DRC2: variants seen among roughly 807,000 people sequenced by gnomAD.
DRC2 encodes coiled-coil domain containing 65.
chr12:48,916,179 C>T, the DRC2 span, among the ~76,000 whole-genome samples: 2 of 151,800 alleles, frequency 1.3e-5, no homozygotes, highest in Admixed American at 1.3e-4. Context: ...AGAGACGCTC[C>T]TCACTTCCCA....
chr12:48,918,804 C>T, the DRC2 span: 7 of 1,614,044 alleles, frequency 4.3e-6, no homozygotes, highest in Non-Finnish European at 5.9e-6. Flanking sequence ...AACTTAAGGC[C>T]CAAAGAACTC....
the DRC2 span, among the ~76,000 whole-genome samples, chr12:48,906,147 C>T: frequency 6.6e-6 from 1 of 152,316 alleles, no homozygotes; most frequent in African/African-American, 2.4e-5. Flanking sequence ...TATTCCCCCT[C>T]TAGAAAACAC....
At chr12:48,921,429 C>T in the DRC2 span, 1 of 1,606,558 alleles carries the variant, frequency 6.2e-7, no homozygotes, top group South Asian at 1.1e-5. Context: ...TGATAAACAA[C>T]ATCCAACCAC....
At chr12:48,919,899 T>A in the DRC2 span, among the ~76,000 whole-genome samples, 2 of 151,050 alleles carry the variant, frequency 1.3e-5, no homozygotes, top group Non-Finnish European at 3.0e-5. Context: ...GGTGGGAGGA[T>A]TGCTTGAGCC....
At chr12:48,915,911 C>T in the DRC2 span, among the ~76,000 whole-genome samples, 1 of 151,380 alleles carries the variant, frequency 6.6e-6, no homozygotes, top group Non-Finnish European at 1.5e-5. Flanking sequence ...ACGCTCCTCA[C>T]CTCCCAGACG....
chr12:48,919,640 C>T, the DRC2 span, among the ~76,000 whole-genome samples: 1 of 152,028 alleles, frequency 6.6e-6, no homozygotes, highest in South Asian at 2.1e-4. Flanking sequence ...GCCTCAGCCT[C>T]CTGAGTAGCT....
chr12:48,904,148 T>C, the DRC2 span: 1 of 676,922 alleles, frequency 1.5e-6, no homozygotes, highest in East Asian at 2.8e-5. Context: ...CGTCTTACAG[T>C]GGGAGAGCTC....
the DRC2 span, among the ~76,000 whole-genome samples, chr12:48,908,598 A>AT: frequency 6.6e-5 from 8 of 121,302 alleles, no homozygotes; most frequent in Admixed American, 4.1e-4. Flanking sequence ...TATTATTATT[A>AT]TTATTATTAT....
At chr12:48,905,703 A>G in the DRC2 span, among the ~76,000 whole-genome samples, 2 of 151,794 alleles carry the variant, frequency 1.3e-5, no homozygotes, top group African/African-American at 4.8e-5. Flanking sequence ...GATTTTCTGT[A>G]CCCCTTCTTT....
chr12:48,904,162 C>A, the DRC2 span: 1 of 773,448 alleles, frequency 1.3e-6, no homozygotes, highest in Non-Finnish European at 2.1e-6. Context: ...AGAGCTCAGC[C>A]TCACTGATAG....
At chr12:48,913,162 C>T in the DRC2 span, among the ~76,000 whole-genome samples, 2 of 150,902 alleles carry the variant, frequency 1.3e-5, no homozygotes, top group African/African-American at 4.9e-5. Context: ...AAAGATACCC[C>T]AGGTTCAACT....
the DRC2 span, chr12:48,914,474 T>C: frequency 4.3e-6 from 7 of 1,614,214 alleles, no homozygotes; most frequent in Non-Finnish European, 5.1e-6. Context: ...TTGCACAATG[T>C]TGACCAGCTC....
chr12:48,921,363 G>A, the DRC2 span: 6 of 1,614,144 alleles, frequency 3.7e-6, no homozygotes, highest in Non-Finnish European at 5.1e-6. Flanking sequence ...ACTCTTTATA[G>A]TCAACTATCA....
At chr12:48,914,705 G>A in the DRC2 span, 1 of 797,860 alleles carries the variant, frequency 1.3e-6, no homozygotes, top group Non-Finnish European at 1.9e-6. Context: ...ACCCCCAGCA[G>A]AGAATATCTT....
chr12:48,919,806 G>A, the DRC2 span, among the ~76,000 whole-genome samples: 2 of 151,766 alleles, frequency 1.3e-5, no homozygotes, highest in Non-Finnish European at 2.9e-5. Context: ...GTGAGCCACC[G>A]CGTCTGGTCT....
At chr12:48,918,320 G>A in the DRC2 span, 3 of 1,614,068 alleles carry the variant, frequency 1.9e-6, no homozygotes, top group Admixed American at 1.7e-5. Context: ...GGAGAACAGA[G>A]TAGAAGATCT....
chr12:48,904,882 G>T, the DRC2 span: 5 of 1,367,850 alleles, frequency 3.7e-6, no homozygotes, highest in African/African-American at 7.2e-5. Context: ...TAAATTAAGA[G>T]TGATCTTGTT....
chr12:48,917,949 A>G, the DRC2 span, among the ~76,000 whole-genome samples: 1 of 152,250 alleles, frequency 6.6e-6, no homozygotes, highest in African/African-American at 2.4e-5. Flanking sequence ...AGATTTCACA[A>G]AAACATCCAA....
At chr12:48,908,000 C>T in the DRC2 span, among the ~76,000 whole-genome samples, 2 of 152,268 alleles carry the variant, frequency 1.3e-5, no homozygotes, top group African/African-American at 4.8e-5. Flanking sequence ...GGCTGAAGTG[C>T]AGTAGCACAA....
Sources: gnomAD v4.1 joint callset for allele counts (sites outside exome capture counted in the v4.1 genomes callset) on GRCh38, gnomAD v4.1.1 for gene constraint, MANE v1.5 for transcripts, NCBI Gene and HGNC (gene_info 2026-07-23, HGNC 2026-07-21) for gene names.